ADSS1: variants seen among roughly 807,000 people sequenced by gnomAD.
The protein encoded by ADSS1 is adenylosuccinate synthetase isozyme 1.
A neutral mutation model predicts 59.1 loss-of-function variants in ADSS1; 57 were observed. That is an observed-to-expected ratio of 0.97 (90% CI 0.78 to 1.20). The LOEUF is 1.20. Ranked by LOEUF, ADSS1 falls within the 50% of genes most tolerant of loss-of-function variation. The pLI, the probability that ADSS1 is intolerant of heterozygous loss-of-function variation, is 0.00. For missense variants in ADSS1, 603 were observed against 610.3 expected, an observed-to-expected ratio of 0.99 and a Z score of 0.13; for synonymous variants, 247 against 249.4, an observed-to-expected ratio of 0.99 and a Z score of 0.09.
At position 104,739,731 on chromosome 14, in the gene ADSS1, C is replaced by G. The variant is rs1241385044; in HGVS notation, c.410-19C>G. On this transcript the variant is annotated intron_variant, in intron 4 of 12. Transcript: ENST00000330877. ...CTTCTCTCCTGTCTCCTGCTGCCCT[C>G]ACCTGGCCCGCCCGACAGTGTTTGA... is the stretch of plus-strand genomic sequence containing the variant. 6.2e-7 allele frequency: 1 copy of G among 1,613,758 alleles called. No homozygotes were observed. The highest frequency in any genetic ancestry group is 8.5e-7 in the Non-Finnish European group (1 of 1,179,910).
At chr14:104,725,443 T>G (rs532582511) in intron 1 of ADSS1, among the ~76,000 whole-genome samples, 33 of 152,154 alleles carry the variant, frequency 2.2e-4, no homozygotes, top group Non-Finnish European at 3.4e-4. Context: ...TTCTGTGGCC[T>G]CCTTCCTGAG....
At chr14:104,729,317 G>T (rs1890811577) in intron 1 of ADSS1, among the ~76,000 whole-genome samples, 1 of 152,202 alleles carries the variant, frequency 6.6e-6, no homozygotes, top group Non-Finnish European at 1.5e-5. Flanking sequence ...TAGGGACGGG[G>T]TGGACAGGAG....
In ADSS1 at chr14:104,724,337, C is replaced by A; in HGVS notation, c.67C>A (p.Gln23Lys). Residue 23 changes from glutamine to lysine, a missense_variant, in exon 1 of 13, where the codon CAG (glutamine) becomes AAG (lysine). By Grantham distance (53) the Gln-to-Lys change is moderately conservative. Transcript: ENST00000330877. ...GAGGVKRGRL[Q>K]QEAAATGSRV... ...AGGCGGCGTCAAGCGGGGGCGGCTG[C>A]AGCAGGAGGCGGCGGCGACCGGCTC... The A allele has an allele frequency of 3.2e-6, 4 of 1,241,386 alleles. No homozygotes were observed. Among genetic ancestry groups the A allele is most frequent in the Non-Finnish European group, 3.0e-6 (3 of 988,974 alleles). The allele number at this position is 1,241,386 out of a possible 1,614,324, so 76.9% of individuals were successfully genotyped here. A position where few individuals can be genotyped will look rare whatever the true frequency, so the allele number is the denominator to read the frequency against.
Position 104,736,881 on chromosome 14 carries a change from G to GATTATATATATATATATATAT in ADSS1, c.296-1493_296-1492insTATATATATATATATATATAT, listed in dbSNP as rs1254196679. Among the ~76,000 whole-genome samples the GATTATATATATATATATATAT allele has an allele frequency of 6.5e-4, 69 of 106,586 alleles. 4 individuals are homozygous for GATTATATATATATATATATAT. The highest frequency in any genetic ancestry group is 2.2e-3 in the African/African-American group (63 of 28,134). 69.9% of individuals were successfully genotyped at this position (106,586 alleles called of 152,430 possible). On this transcript the variant is annotated intron_variant, in intron 2 of 12. Transcript: ENST00000330877. ...CAGGCTTATGCCACCGCACCTAGCTGATATATATATATATATATATATATA... is the reference window on the plus strand; with the variant it reads ...CAGGCTTATGCCACCGCACCTAGCTGATTATATATATATATATATATATATATATATATATATATATATATA...
rs773069031 is a variant in ADSS1 at position 104,741,916 on chromosome 14, C to T, written c.862C>T (p.Pro288Ser). ...TGTGTGCACGGGCCTGGGCATCCCCCCGCAGAACATAGGTGACGTGTATGG... is the reference window on the plus strand; with the variant it reads ...TGTGTGCACGGGCCTGGGCATCCCCTCGCAGAACATAGGTGACGTGTATGG... ...GGVCTGLGIP[P>S]QNIGDVYGVV... Residue 288 changes from proline (P) to serine (S), a missense_variant, in exon 9 of 13, where the codon CCG (proline) becomes TCG (serine). Transcript: ENST00000330877. 17 of 1,613,424 alleles carry T rather than the reference C, an allele frequency of 1.1e-5. No homozygotes were observed. In the Admixed American group the frequency reaches 2.0e-4, roughly 19 times the overall value.
Position 104,724,447 on chromosome 14 carries a change from C to T in ADSS1, c.177C>T (p.Ile59=). The change falls in exon 1 of 13, where the codon ATC becomes ATT. Residue 59 remains isoleucine, a synonymous_variant. Transcript: ENST00000330877. ...ACCTGCTGGCCACGGACGCCGACATCATCAGCCGCTGCCAGGTGCGGGCTG... is the reference window on the plus strand; with the variant it reads ...ACCTGCTGGCCACGGACGCCGACATTATCAGCCGCTGCCAGGTGCGGGCTG... The part of the protein sequence containing the change: ...VVDLLATDAD[I]ISRCQGGNNA... 8.0e-7 allele frequency: 1 copy of T among 1,254,782 alleles called. No individual in the cohort carries two copies. The highest frequency in any genetic ancestry group is 1.0e-6 in the Non-Finnish European group (1 of 995,276). 77.7% of individuals were successfully genotyped at this position (1,254,782 alleles called of 1,614,324 possible).
In ADSS1 at chr14:104,739,396, G is replaced by C. The variant is rs3803308; in HGVS notation, c.409+18G>C. 6.0e-4 allele frequency: 951 copies of C among 1,597,678 alleles called. 9 individuals are homozygous for C. The East Asian group carries it at 0.02, about 34-fold the overall frequency. ...CCACCTTGGTACGTTTCCCACTGGA[G>C]TACAGGGAACAGCCCCTCCTGCCCC... On this transcript the variant is annotated intron_variant, in intron 4 of 12. Coordinates refer to ENST00000330877, the MANE Select transcript of ADSS1 (RefSeq NM_152328.5).
rs780674549 is a variant in ADSS1 at position 104,742,021 on chromosome 14, G to A, written c.948+19G>A. Reference sequence around the variant, plus strand: ...GATCAACGTGAGTCCCCAGCCCCTCGGGACCCCGTGGGAGGACAGGGAGGC... The same window carrying A: ...GATCAACGTGAGTCCCCAGCCCCTCAGGACCCCGTGGGAGGACAGGGAGGC... On this transcript the variant is annotated intron_variant, in intron 9 of 12. Transcript: ENST00000330877. 3.7e-5 allele frequency: 60 copies of A among 1,610,388 alleles called. No homozygotes were observed. The highest frequency in any genetic ancestry group is 4.8e-5 in the Non-Finnish European group (56 of 1,178,726).
Position 104,741,789 on chromosome 14 carries a change from C to G in ADSS1, c.794-59C>G, listed in dbSNP as rs537646950. ...CCTTTACTGAGAAGGCCTCTTGGGC[C>G]GGGTGGAATAATCTACAGGGGGTGA... On this transcript the variant is annotated intron_variant, in intron 8 of 12. Coordinates refer to ENST00000330877, the MANE Select transcript of ADSS1 (RefSeq NM_152328.5). The G allele has an allele frequency of 5.7e-6, 9 of 1,591,736 alleles. No individual in the cohort carries two copies. In the East Asian group the frequency reaches 1.8e-4, roughly 32 times the overall value.
At chr14:104,738,342 A>G (rs1891202656) in intron 2 of ADSS1, 34 bp from the exon 3 acceptor site, 2 of 1,611,592 alleles carry the variant, frequency 1.2e-6, no homozygotes, top group Admixed American at 1.7e-5. Flanking sequence ...TCTGGGACAC[A>G]ACTCTGTCTC....
intron 1 of ADSS1, chr14:104,730,260 G>A (rs1890874391): frequency 6.9e-7 from 1 of 1,442,564 alleles, no homozygotes; most frequent in South Asian, 1.5e-5. Flanking sequence ...TTGGGAGGCC[G>A]AGGCGAGCGG....
At chr14:104,726,372 C>T (rs546882859) in intron 1 of ADSS1, among the ~76,000 whole-genome samples, 3 of 152,328 alleles carry the variant, frequency 2.0e-5, no homozygotes, top group East Asian at 3.9e-4. Flanking sequence ...GTGCGGGGAC[C>T]GAGCTGGATC....
Position 104,747,157 on chromosome 14 carries a change from G to T in ADSS1, c.*154G>T. ...TGTTCAACCTGTTGGTTTCTACAAT[G>T]ATTTTAAACATTGGAAAGCCAGCCT... On this transcript the variant is annotated 3_prime_UTR_variant, in exon 13 of 13. Transcript: ENST00000330877. The T allele has an allele frequency of 1.6e-6, 1 of 638,636 alleles. No individual in the cohort carries two copies. The highest frequency in any genetic ancestry group is 2.5e-6 in the Non-Finnish European group (1 of 399,136). 39.6% of individuals were successfully genotyped at this position (638,636 alleles called of 1,614,324 possible). A position where few individuals can be genotyped will look rare whatever the true frequency, so the allele number is the denominator to read the frequency against.
Position 104,741,214 on chromosome 14 carries a change from C to G in ADSS1, c.764C>G (p.Ala255Gly). 1 of 1,605,276 alleles carries G rather than the reference C, an allele frequency of 6.2e-7. No homozygotes were observed. The highest frequency in any genetic ancestry group is 8.5e-7 in the Non-Finnish European group (1 of 1,176,362). ...GPPKKILVEG[A>G]NAALLDIDFG... ...CCCAAGAAGATCCTGGTGGAGGGTGCCAACGCCGCCCTCCTCGACATTGAC... is the reference window on the plus strand; with the variant it reads ...CCCAAGAAGATCCTGGTGGAGGGTGGCAACGCCGCCCTCCTCGACATTGAC... The change falls in exon 8 of 13, where the codon GCC (alanine) becomes GGC (glycine). Residue 255 changes from alanine to glycine, a missense_variant. Coordinates refer to ENST00000330877, the MANE Select transcript of ADSS1 (RefSeq NM_152328.5).
At chr14:104,733,694 C>T (rs1045413757) in intron 1 of ADSS1, among the ~76,000 whole-genome samples, 33 of 152,214 alleles carry the variant, frequency 2.2e-4, no homozygotes, top group Admixed American at 1.2e-3. Flanking sequence ...GCTTTTCTGC[C>T]GGGAGGTGAG....
At chr14:104,725,963 G>A (rs1047601330) in intron 1 of ADSS1, among the ~76,000 whole-genome samples, 59 of 152,316 alleles carry the variant, frequency 3.9e-4, no homozygotes, top group African/African-American at 1.4e-3. Context: ...TTCTGGATCT[G>A]GGCACTCCCT....
At chr14:104,729,486 G>T (rs1890821747) in intron 1 of ADSS1, among the ~76,000 whole-genome samples, 2 of 150,384 alleles carry the variant, frequency 1.3e-5, no homozygotes, top group South Asian at 4.2e-4. Context: ...CGTCGGCGTG[G>T]GAGGGAGGAG....
chr14:104,743,162 A>G lies in ADSS1; in HGVS notation c.1044A>G (p.Arg348=), dbSNP rs1185318564. 6.2e-7 allele frequency: 1 copy of G among 1,611,956 alleles called. No homozygotes were observed. Among genetic ancestry groups the G allele is most frequent in the East Asian group, 2.2e-5 (1 of 44,886 alleles). The change falls in exon 10 of 13, where the codon AGA becomes AGG. Residue 348 remains arginine (R), a synonymous_variant. Coordinates refer to ENST00000330877, the MANE Select transcript of ADSS1 (RefSeq NM_152328.5). The part of the protein sequence containing the change: ...RCGWLDLMIL[R]YAHMVNGFTA... ...GCTGGCTCGACCTGATGATTCTAAG[A>G]TATGCTCACATGGTCAACGGATTCA...
At chr14:104,724,815 G>A (rs1890673557) in intron 1 of ADSS1, among the ~76,000 whole-genome samples, 1 of 152,166 alleles carries the variant, frequency 6.6e-6, no homozygotes, top group Non-Finnish European at 1.5e-5. Flanking sequence ...AGAGGACCCA[G>A]CCCCAGGATG....
Sources: allele counts gnomAD v4.1 joint callset (sites outside exome capture counted in the v4.1 genomes callset), GRCh38; gene constraint gnomAD v4.1.1; transcripts MANE v1.5; gene names NCBI Gene and HGNC (gene_info 2026-07-23, HGNC 2026-07-21).